Variants in EFCAB6 observed in about 807,000 individuals in gnomAD.
The protein encoded by EFCAB6 is EF-hand calcium-binding domain-containing protein 6.
In EFCAB6, 156 loss-of-function variants were observed where a neutral mutation model predicts 169.8. The ratio of observed to expected loss-of-function variants is 0.92; its 90% confidence interval spans 0.81 to 1.05. EFCAB6 has a LOEUF of 1.05. EFCAB6 is among the 50% of genes least tolerant of loss of function. The pLI, the probability that EFCAB6 is intolerant of heterozygous loss-of-function variation, is 0.00. For synonymous variants in EFCAB6, 698 were observed against 676.4 expected, an observed-to-expected ratio of 1.03 and a Z score of -0.50; for missense variants, 1,800 against 1,829.1, an observed-to-expected ratio of 0.98 and a Z score of 0.29.
At chr22:43,624,206 C>T (rs2054330220) in intron 20 of EFCAB6, among the ~76,000 whole-genome samples, 1 of 152,192 alleles carries the variant, frequency 6.6e-6, no homozygotes, top group East Asian at 1.9e-4. Flanking sequence ...AGGGCATGGC[C>T]AGGGTGGGCT....
At chr22:43,767,608 A>G (rs1168954259) in intron 4 of EFCAB6, among the ~76,000 whole-genome samples, 1 of 152,152 alleles carries the variant, frequency 6.6e-6, no homozygotes, top group Non-Finnish European at 1.5e-5. Flanking sequence ...GTCACTTTCT[A>G]CAACTCACAA....
chr22:43,577,274 G>A (rs1205164870), intron 25 of EFCAB6, among the ~76,000 whole-genome samples: 1 of 152,150 alleles, frequency 6.6e-6, no homozygotes, highest in Non-Finnish European at 1.5e-5. Context: ...GCATCCAGGG[G>A]TAGATTAAGA....
At chr22:43,674,383 C>G (rs749862187) in intron 13 of EFCAB6, among the ~76,000 whole-genome samples, 2 of 152,160 alleles carry the variant, frequency 1.3e-5, no homozygotes, top group African/African-American at 2.4e-5. Flanking sequence ...GAGACAGGAC[C>G]ACATCAGGCC....
At chr22:43,719,604 G>A (rs578228077) in intron 8 of EFCAB6, among the ~76,000 whole-genome samples, 3 of 152,254 alleles carry the variant, frequency 2.0e-5, no homozygotes, top group East Asian at 1.9e-4. Flanking sequence ...ACCTCTAACC[G>A]GCTCTTGGTA....
intron 8 of EFCAB6, among the ~76,000 whole-genome samples, chr22:43,717,334 G>A (rs2059365167): frequency 6.7e-6 from 1 of 150,092 alleles, no homozygotes; most frequent in African/African-American, 2.4e-5. Flanking sequence ...TTTAAATAAA[G>A]GATAAGTTTG....
chr22:43,803,279 C>A (rs2062796736), intron 2 of EFCAB6, among the ~76,000 whole-genome samples: 1 of 152,166 alleles, frequency 6.6e-6, no homozygotes, highest in South Asian at 2.1e-4. Context: ...TAGACAAATT[C>A]TCCCATTTTC....
At position 43,683,850 on chromosome 22, in the gene EFCAB6, TTGA is replaced by T; in HGVS notation, c.1145_1147del (p.Ile382del). The T allele has an allele frequency of 6.2e-7, 1 of 1,606,312 alleles. No homozygotes were observed. The highest frequency in any genetic ancestry group is 8.5e-7 in the Non-Finnish European group (1 of 1,173,004). ...TTCCTTGTGAGATTCATTTCTAGAG[TTGA>T]TGCTACAAGAGGATTAGGAGAAAAG... On this transcript the variant is annotated inframe_deletion and splice_region_variant, in exon 12 of 32. Transcript: ENST00000262726.
intron 29 of EFCAB6, chr22:43,536,040 G>A (rs1007233956): frequency 1.3e-5 from 2 of 152,114 alleles, no homozygotes; most frequent in Admixed American, 6.5e-5. Flanking sequence ...TTACAGTATT[G>A]AATTTTGGAT....
At chr22:43,731,209 C>T (rs982754371) in intron 8 of EFCAB6, among the ~76,000 whole-genome samples, 3 of 152,164 alleles carry the variant, frequency 2.0e-5, no homozygotes, top group Non-Finnish European at 2.9e-5. Flanking sequence ...CGAGGAAACA[C>T]GTTCTGTCTC....
In EFCAB6 at chr22:43,711,456, G is replaced by A. The variant is rs1488521932; in HGVS notation, c.1031+19C>T. On this transcript the variant is annotated intron_variant, in intron 10 of 31. Coordinates refer to ENST00000262726, the MANE Select transcript of EFCAB6 (RefSeq NM_022785.4). ...GACGTTTGGGGAAAAAAATGTCAAG[G>A]AAACAATGAGACTCTTACCTTTTCA... The A allele has an allele frequency of 6.5e-7, 1 of 1,541,314 alleles. No homozygotes were observed. Among genetic ancestry groups the A allele is most frequent in the Non-Finnish European group, 8.7e-7 (1 of 1,150,236 alleles).
In EFCAB6 at chr22:43,626,596, A is replaced by G; in HGVS notation, c.2316T>C (p.His772=). The change falls in exon 20 of 32, where the codon CAT becomes CAC. Residue 772 remains histidine (H), a synonymous_variant. Transcript: ENST00000262726. ...NMHDLHRLLL[H]LLLNLKDDEF... ...CGTCGTCTTTGAGATTAAGCAGTAG[A>G]TGCAGGAGCAGTCTGTGAAGGTCAT... 1 of 1,614,222 alleles carries G rather than the reference A, an allele frequency of 6.2e-7. No homozygotes were observed. Among genetic ancestry groups the G allele is most frequent in the Non-Finnish European group, 8.5e-7 (1 of 1,180,038 alleles).
intron 2 of EFCAB6, chr22:43,802,624 G>A: frequency 2.1e-6 from 1 of 478,288 alleles, no homozygotes; most frequent in Non-Finnish European, 4.1e-6. Context: ...CAGAGCCCAA[G>A]CCTAAAAGGG....
Position 43,618,214 on chromosome 22 carries a change from GAAAGAAAGA to G in EFCAB6, c.2466-2301_2466-2293del, listed in dbSNP as rs1569257411. 5.5e-3 allele frequency among the ~76,000 whole-genome samples: 758 copies of G among 138,552 alleles called. 22 individuals are homozygous for G. Among genetic ancestry groups the G allele is most frequent in the Middle Eastern group, 0.015 (4 of 266 alleles). The allele number at this position is 138,552 out of a possible 152,430, so 90.9% of individuals were successfully genotyped here. The stretch of plus-strand genomic sequence containing the variant: ...AGAAAGAAAGAAAGAAAGAAAGAAA[GAAAGAAAGA>G]GAAAGAAAGAAAGAGAGAGAAAGAG... On this transcript the variant is annotated intron_variant, in intron 20 of 31. Transcript: ENST00000262726.
intron 6 of EFCAB6, among the ~76,000 whole-genome samples, chr22:43,753,148 C>T (rs902202848): frequency 3.9e-5 from 6 of 152,182 alleles, no homozygotes; most frequent in African/African-American, 1.4e-4. Flanking sequence ...AGGGTTTCAG[C>T]CCAGGTGTAC....
At position 43,618,910 on chromosome 22, in the gene EFCAB6, C is replaced by CT. The variant is rs11302149; in HGVS notation, c.2466-2989dup. Among the ~76,000 whole-genome samples, 337 of 145,654 alleles carry CT rather than the reference C, an allele frequency of 2.3e-3. 1 individual carries two copies. Among genetic ancestry groups the CT allele is most frequent in the Middle Eastern group, 0.014 (4 of 278 alleles). On this transcript the variant is annotated intron_variant, in intron 20 of 31. Transcript: ENST00000262726. ...AAATCCATGTTAATTTTCTCTCTCT[C>CT]TTTTTTTTTTTTTCTTCTCTCACTA... is the stretch of plus-strand genomic sequence containing the variant.
chr22:43,720,552 A>G (rs928988421), intron 8 of EFCAB6, among the ~76,000 whole-genome samples: 1 of 151,948 alleles, frequency 6.6e-6, no homozygotes, highest in Non-Finnish European at 1.5e-5. Context: ...CTAAACTAAA[A>G]GAAACACAAG....
chr22:43,530,438 C>G, intron 31 of EFCAB6: 7 of 885,112 alleles, frequency 7.9e-6, no homozygotes, highest in Non-Finnish European at 8.1e-6. Context: ...CTTGGAAGGT[C>G]CAACATAGGT....
chr22:43,541,189 C>G (rs531943476), intron 27 of EFCAB6, among the ~76,000 whole-genome samples: 7 of 152,164 alleles, frequency 4.6e-5, no homozygotes, highest in African/African-American at 7.2e-5. Flanking sequence ...CCTGCGCTTT[C>G]CCCTGGAAGC....
chr22:43,807,857 T>G (rs1263953775), intron 2 of EFCAB6, among the ~76,000 whole-genome samples: 2 of 152,202 alleles, frequency 1.3e-5, no homozygotes, highest in Non-Finnish European at 2.9e-5. Context: ...TCCACACACT[T>G]CCATATACAC....
Sources: gnomAD v4.1 joint callset for allele counts (sites outside exome capture counted in the v4.1 genomes callset) on GRCh38, gnomAD v4.1.1 for gene constraint, MANE v1.5 for transcripts, NCBI Gene and HGNC (gene_info 2026-07-23, HGNC 2026-07-21) for gene names.